Variants in BTG3 observed in about 807,000 individuals in gnomAD.
BTG3 encodes the protein protein BTG3.
BTG3 carries 4 observed loss-of-function variants against 25.8 expected under a neutral mutation model. That is an observed-to-expected ratio of 0.16 (90% confidence interval 0.08 to 0.36). The LOEUF (loss-of-function observed/expected upper bound fraction) is 0.36, where lower values mean the gene tolerates loss of function less well. Among genes scored for constraint, BTG3 ranks in the 10% least tolerant of loss-of-function variants. The pLI is 1.00. For missense variants in BTG3, 201 were observed against 304.9 expected, an observed-to-expected ratio of 0.66 and a Z score of 2.54; for synonymous variants, 107 against 99.9, an observed-to-expected ratio of 1.07 and a Z score of -0.42.
At chr21:17,600,935 G>A (rs893950470) in intron 3 of BTG3, among the ~76,000 whole-genome samples, 2 of 151,120 alleles carry the variant, frequency 1.3e-5, no homozygotes, top group Non-Finnish European at 3.0e-5. Flanking sequence ...AGGCCAAGGC[G>A]GGTGGATCAT....
At chr21:17,610,190 T>C (rs1052075085) in intron 1 of BTG3, among the ~76,000 whole-genome samples, 1 of 152,178 alleles carries the variant, frequency 6.6e-6, no homozygotes, top group African/African-American at 2.4e-5. Flanking sequence ...AAAAGGAGCA[T>C]TGCTAATAAG....
chr21:17,609,112 AAAG>A lies in BTG3; in HGVS notation c.30_32del (p.Phe12del). ...CATGTTTTCGAACTAGCCTTGTGAA[AAAG>A]AAGACAACGGCAGCAATTTCATTCT... On this transcript the variant is annotated inframe_deletion, in exon 2 of 5. Transcript: ENST00000348354. The A allele has an allele frequency of 6.2e-7, 1 of 1,612,996 alleles. No homozygotes were observed. The highest frequency in any genetic ancestry group is 8.5e-7 in the Non-Finnish European group (1 of 1,179,768).
rs1426345796 is a variant in BTG3, at chr21:17,593,841, TATAA to T, written c.*248_*251del. On this transcript the variant is annotated 3_prime_UTR_variant, in exon 5 of 5. Transcript: ENST00000348354. ...TATCCAACAGAGTTGATGCACAATA[TATAA>T]ATACTCAAGTCCAATATTAAAAACT... 7 of 458,634 alleles carry T rather than the reference TATAA, an allele frequency of 1.5e-5. No homozygotes were observed. The highest frequency in any genetic ancestry group is 6.0e-5 in the African/African-American group (3 of 49,676). The allele number at this position is 458,634 out of a possible 1,614,324, so 28.4% of individuals were successfully genotyped here. A position where few individuals can be genotyped will look rare whatever the true frequency, so the allele number is the denominator to read the frequency against.
rs530290542 is a variant in BTG3 at position 17,608,386 on chromosome 21, C to T, written c.173+586G>A. On this transcript the variant is annotated intron_variant, in intron 2 of 4. Coordinates refer to ENST00000348354, the MANE Select transcript of BTG3 (RefSeq NM_006806.5). ...AAAACAATACCACAAAAAAAAAAAA[C>T]TCCCAGAAAAGCAAATCCCAGAGCC... Among the ~76,000 whole-genome samples the T allele has an allele frequency of 5.5e-5, 8 of 146,566 alleles. No individual in the cohort carries two copies. In the East Asian group the frequency reaches 1.0e-3, roughly 19 times the overall value.
intron 4 of BTG3, 96 bp downstream of exon 4, chr21:17,598,521 C>G (rs889572311): frequency 9.6e-7 from 1 of 1,036,602 alleles, no homozygotes; most frequent in African/African-American, 1.6e-5. Context: ...TCCAGAATCT[C>G]AAGTCAGAAA....
intron 3 of BTG3, among the ~76,000 whole-genome samples, chr21:17,603,963 C>T (rs919523379): frequency 6.6e-6 from 1 of 152,312 alleles, no homozygotes; most frequent in African/African-American, 2.4e-5. Context: ...CAGAATGTTG[C>T]TTTCGTTTTT....
At position 17,598,739 on chromosome 21, in the gene BTG3, T is replaced by C; in HGVS notation, c.397A>G (p.Arg133Gly). The C allele has an allele frequency of 6.2e-7, 1 of 1,614,076 alleles. No individual in the cohort carries two copies. The highest frequency in any genetic ancestry group is 8.5e-7 in the Non-Finnish European group (1 of 1,179,932). The change falls in exon 4 of 5, where the codon AGG becomes GGG. Residue 133 changes from arginine (R) to glycine (G), a missense_variant. Physicochemically the swap from Arg to Gly is moderately radical, Grantham distance 125. Transcript: ENST00000348354. ...NKDEISRKVT[R>G]ALDKVTSDYH... ...TCAGAGGTAACCTTATCAAGGGCCC[T>C]GGTAACTTTCCTGGAGATCTCATCC...
At chr21:17,609,793 G>A (rs2061694181) in intron 1 of BTG3, among the ~76,000 whole-genome samples, 1 of 152,120 alleles carries the variant, frequency 6.6e-6, no homozygotes, top group African/African-American at 2.4e-5. Flanking sequence ...CAAATACTGT[G>A]TTATACACAC....
chr21:17,594,438 C>T (rs2061477474), intron 4 of BTG3, 106 bp from the exon 5 acceptor site: 1 of 1,277,710 alleles, frequency 7.8e-7, no homozygotes, highest in Admixed American at 2.3e-5. Context: ...ACTGAGATCA[C>T]ATCTAAGTGA....
At chr21:17,609,200 G>A in intron 1 of BTG3, 48 bp from the exon 2 acceptor site, 1 of 1,559,904 alleles carries the variant, frequency 6.4e-7, no homozygotes, top group Non-Finnish European at 8.7e-7. Flanking sequence ...TATAAAAACT[G>A]GGAAGATGAA....
chr21:17,610,128 T>G (rs1168247460), intron 1 of BTG3, among the ~76,000 whole-genome samples: 1 of 152,028 alleles, frequency 6.6e-6, no homozygotes, highest in Non-Finnish European at 1.5e-5. Flanking sequence ...AATAAGCAAA[T>G]CTATATAGAC....
intron 4 of BTG3, among the ~76,000 whole-genome samples, chr21:17,597,995 T>C (rs1344054746): frequency 6.6e-6 from 1 of 152,194 alleles, no homozygotes; most frequent in African/African-American, 2.4e-5. Context: ...AAAAAATCTC[T>C]TTAAATTGTT....
chr21:17,610,159 A>G (rs550771188), intron 1 of BTG3, among the ~76,000 whole-genome samples: 1 of 152,330 alleles, frequency 6.6e-6, no homozygotes, highest in East Asian at 1.9e-4. Flanking sequence ...TTAGTGGCCT[A>G]CGGGGAAGTG....
At chr21:17,604,096 T>C in intron 3 of BTG3, 2 of 1,258,932 alleles carry the variant, frequency 1.6e-6, no homozygotes, top group Non-Finnish European at 2.1e-6. Flanking sequence ...ATGTGAAAAA[T>C]AACTTCCATT....
chr21:17,612,063 C>T (rs1029319958), intron 1 of BTG3: 13 of 152,364 alleles, frequency 8.5e-5, no homozygotes, highest in Non-Finnish European at 2.9e-5. Flanking sequence ...TGCTGCTAGG[C>T]TCTCCCGCTG....
At chr21:17,598,905 G>C in intron 3 of BTG3, 81 bp from the exon 4 acceptor site, 2 of 1,089,330 alleles carry the variant, frequency 1.8e-6, no homozygotes, top group Non-Finnish European at 1.3e-6. Flanking sequence ...AAGAGATCTG[G>C]ACATGCCATC....
chr21:17,593,910 A>G lies in BTG3; in HGVS notation c.*183T>C. On this transcript the variant is annotated 3_prime_UTR_variant, in exon 5 of 5. Coordinates refer to ENST00000348354, the MANE Select transcript of BTG3 (RefSeq NM_006806.5). Reference sequence around the variant, plus strand: ...ACTTTAATAAAATTTCTCAAACTATATCAATATCTAAAGTGCATATATTTT... The same window carrying G: ...ACTTTAATAAAATTTCTCAAACTATGTCAATATCTAAAGTGCATATATTTT... 1 of 759,760 alleles carries G rather than the reference A, an allele frequency of 1.3e-6. No homozygotes were observed. The highest frequency in any genetic ancestry group is 3.5e-5 in the Admixed American group (1 of 28,256). The allele number at this position is 759,760 out of a possible 1,614,324, so 47.1% of individuals were successfully genotyped here.
chr21:17,599,092 T>A (rs907992396), intron 3 of BTG3: 2 of 326,920 alleles, frequency 6.1e-6, no homozygotes, highest in Non-Finnish European at 1.1e-5. Context: ...AAAAAAAAAA[T>A]TGTTTAAAAC....
At chr21:17,600,071 C>T (rs2061553346) in intron 3 of BTG3, among the ~76,000 whole-genome samples, 1 of 150,936 alleles carries the variant, frequency 6.6e-6, no homozygotes, top group African/African-American at 2.5e-5. Context: ...TGTTATTCTT[C>T]CAAAACATTT....
Sources: gnomAD v4.1 joint callset for allele counts (sites outside exome capture counted in the v4.1 genomes callset) on GRCh38, gnomAD v4.1.1 for gene constraint, MANE v1.5 for transcripts, NCBI Gene and HGNC (gene_info 2026-07-23, HGNC 2026-07-21) for gene names.